Variants in OPCML observed in about 807,000 individuals in gnomAD.
OPCML encodes the protein opioid-binding protein/cell adhesion molecule.
A neutral mutation model predicts 37.8 loss-of-function variants in OPCML; 13 were observed. The ratio of observed to expected loss-of-function variants is 0.34; its 90% CI spans 0.22 to 0.55. OPCML has a LOEUF of 0.55. Ranked by LOEUF, OPCML falls within the 20% of genes least tolerant of loss-of-function variation. The pLI is 0.91. For missense variants in OPCML, 341 were observed against 435.6 expected, an observed-to-expected ratio of 0.78 and a Z score of 1.93; for synonymous variants, 176 against 168.8, an observed-to-expected ratio of 1.04 and a Z score of -0.33.
intron 3 of OPCML, among the ~76,000 whole-genome samples, chr11:132,548,319 T>C (rs978600093): frequency 6.6e-6 from 1 of 152,150 alleles, no homozygotes; most frequent in African/African-American, 2.4e-5. Context: ...GAATTTGCCC[T>C]AGCTTAGAAA....
chr11:133,406,928 A>G (rs1945539467), intron 1 of OPCML, among the ~76,000 whole-genome samples: 1 of 152,194 alleles, frequency 6.6e-6, no homozygotes, highest in Non-Finnish European at 1.5e-5. Context: ...AGAGAAATAA[A>G]TACATCAGTG....
rs368565243 is a variant in OPCML, at chr11:132,540,955, T to TCC, written c.380-11771_380-11770dup. Among the ~76,000 whole-genome samples the TCC allele has an allele frequency of 3.5e-3, 528 of 152,164 alleles. 1 individual carries two copies. The highest frequency in any genetic ancestry group is 0.02 in the Middle Eastern group (6 of 294). ...CTCTGGGAGTCTCCTTTTGTTCCTT[T>TCC]CCCCCCCGACTTGTAGGCTCCCTGG... is the stretch of plus-strand genomic sequence containing the variant. On this transcript the variant is annotated intron_variant, in intron 3 of 7. Coordinates refer to ENST00000524381, the MANE Select transcript of OPCML (RefSeq NM_001012393.5).
At chr11:132,626,933 T>C (rs1939784957) in intron 3 of OPCML, among the ~76,000 whole-genome samples, 2 of 151,222 alleles carry the variant, frequency 1.3e-5, no homozygotes, top group South Asian at 4.2e-4. Context: ...TTTATATATA[T>C]AGCTTTAAAA....
chr11:133,354,292 C>CTGGTGG (rs796100134), intron 1 of OPCML, among the ~76,000 whole-genome samples: 1 of 19,704 alleles, frequency 5.1e-5, no homozygotes, highest in African/African-American at 1.6e-4. Flanking sequence ...GATGGTGGTG[C>CTGGTGG]TGGTGGTGGT....
intron 1 of OPCML, among the ~76,000 whole-genome samples, chr11:133,108,246 G>A (rs951363730): frequency 6.6e-6 from 1 of 152,196 alleles, no homozygotes; most frequent in African/African-American, 2.4e-5. Context: ...GAATTGCTGC[G>A]AATTAATATG....
chr11:132,832,944 C>A (rs1180742124), intron 2 of OPCML, among the ~76,000 whole-genome samples: 1 of 152,048 alleles, frequency 6.6e-6, no homozygotes, highest in Non-Finnish European at 1.5e-5. Flanking sequence ...AAATAATACA[C>A]CTGTATAGAA....
At chr11:133,189,396 T>C (rs1016351645) in intron 1 of OPCML, among the ~76,000 whole-genome samples, 4 of 152,224 alleles carry the variant, frequency 2.6e-5, no homozygotes, top group Non-Finnish European at 4.4e-5. Flanking sequence ...CTGGCAACTA[T>C]GGAACCTAAC....
intron 4 of OPCML, among the ~76,000 whole-genome samples, chr11:132,465,476 T>C (rs1279996902): frequency 1.3e-5 from 2 of 152,198 alleles, no homozygotes; most frequent in Non-Finnish European, 2.9e-5. Context: ...ATTTTTATTA[T>C]CCACTTGTAT....
chr11:133,006,695 T>A lies in OPCML; in HGVS notation c.62-63685A>T, dbSNP rs1184725123. ...ATCCCACATGTCTGCCACTTCCACT[T>A]TTTCTGCTAGAATTGTTCCAGCACC... On this transcript the variant is annotated intron_variant, in intron 1 of 7. Transcript: ENST00000524381. 4.1e-6 allele frequency: 4 copies of A among 985,298 alleles called. No homozygotes were observed. In the African/African-American group the frequency reaches 7.0e-5, roughly 17 times the overall value. The allele number at this position is 985,298 out of a possible 1,614,324, so 61.0% of individuals were successfully genotyped here.
chr11:132,632,241 A>G (rs1487074565), intron 3 of OPCML, among the ~76,000 whole-genome samples: 3 of 111,584 alleles, frequency 2.7e-5, no homozygotes, highest in Non-Finnish European at 3.5e-5. Context: ...ATTCAAACAC[A>G]TTTTTTTTTT....
chr11:132,466,350 G>A (rs1424744961), intron 4 of OPCML, among the ~76,000 whole-genome samples: 2 of 151,524 alleles, frequency 1.3e-5, no homozygotes, highest in East Asian at 1.9e-4. Context: ...CAGGTGTGGT[G>A]GCGGGCGCCT....
chr11:132,500,232 GAGTT>G (rs1337597356), intron 4 of OPCML, among the ~76,000 whole-genome samples: 4 of 152,116 alleles, frequency 2.6e-5, no homozygotes, highest in Non-Finnish European at 5.9e-5. Flanking sequence ...GCTCCTCTAA[GAGTT>G]AGTATTTATC....
chr11:133,025,077 T>A (rs1947526372), intron 1 of OPCML: 1 of 869,558 alleles, frequency 1.2e-6, no homozygotes, highest in East Asian at 1.2e-4. Flanking sequence ...AGTATATGTA[T>A]AGATAAGCCT....
At chr11:133,169,245 A>G (rs372268039) in intron 1 of OPCML, among the ~76,000 whole-genome samples, 13 of 152,348 alleles carry the variant, frequency 8.5e-5, no homozygotes, top group African/African-American at 3.1e-4. Context: ...TACAGCTGGA[A>G]AGTGATAGTG....
At chr11:133,370,594 A>G (rs1944652570) in intron 1 of OPCML, among the ~76,000 whole-genome samples, 2 of 152,160 alleles carry the variant, frequency 1.3e-5, no homozygotes, top group South Asian at 2.1e-4. Context: ...AAAGGACACA[A>G]ATAAATGGAA....
intron 1 of OPCML, among the ~76,000 whole-genome samples, chr11:133,040,831 G>C (rs529313894): frequency 2.6e-5 from 4 of 152,240 alleles, no homozygotes; most frequent in South Asian, 4.2e-4. Context: ...AAAGGGTGAA[G>C]TACAGGGAAG....
chr11:132,467,994 C>T (rs2096124932), intron 4 of OPCML, among the ~76,000 whole-genome samples: 2 of 152,282 alleles, frequency 1.3e-5, no homozygotes, highest in African/African-American at 2.4e-5. Flanking sequence ...CTGATCTCCA[C>T]GCTGACAAAC....
At chr11:133,214,097 T>G (rs1003956797) in intron 1 of OPCML, among the ~76,000 whole-genome samples, 1 of 152,108 alleles carries the variant, frequency 6.6e-6, no homozygotes, top group Non-Finnish European at 1.5e-5. Context: ...CACTTTTCCC[T>G]TAAAATAATA....
At chr11:132,598,727 T>C (rs1937622400) in intron 3 of OPCML, among the ~76,000 whole-genome samples, 1 of 152,208 alleles carries the variant, frequency 6.6e-6, no homozygotes, top group Admixed American at 6.5e-5. Flanking sequence ...ACTCCCTTAC[T>C]GATCATCCTT....
Sources: gnomAD v4.1 joint callset for allele counts (sites outside exome capture counted in the v4.1 genomes callset) on GRCh38, gnomAD v4.1.1 for gene constraint, MANE v1.5 for transcripts, NCBI Gene and HGNC (gene_info 2026-07-23, HGNC 2026-07-21) for gene names.